Variants in CHN2 observed in about 807,000 individuals in gnomAD.
CHN2 encodes the protein beta-chimaerin.
Under a neutral mutation model 56.3 loss-of-function variants are expected in CHN2, and 35 were observed. The ratio of observed to expected loss-of-function variants is 0.62; its 90% CI spans 0.47 to 0.82. The LOEUF is 0.82. CHN2 is among the 40% of genes least tolerant of loss of function. The pLI is 0.00. For synonymous variants in CHN2, 210 were observed against 212.8 expected (o/e 0.99, Z 0.12); for missense variants, 491 against 580.5 (o/e 0.85, Z 1.58).
intron 6 of CHN2, chr7:29,479,834 C>T: frequency 7.0e-6 from 9 of 1,290,088 alleles, no homozygotes; most frequent in South Asian, 5.2e-5. Context: ...GACTGGATAC[C>T]GCTTCTGGGG....
intron 1 of CHN2, chr7:29,335,995 CT>C: frequency 6.6e-6 from 1 of 152,326 alleles, no homozygotes; most frequent in Non-Finnish European, 1.5e-5. Flanking sequence ...AGTGGGGTAG[CT>C]TTGCAGTGGG....
At chr7:29,367,609 T>C (rs1799265150) in intron 2 of CHN2, among the ~76,000 whole-genome samples, 1 of 152,204 alleles carries the variant, frequency 6.6e-6, no homozygotes, top group South Asian at 2.1e-4. Context: ...TAGAATTTCA[T>C]CTTTAAAATA....
At chr7:29,296,625 CT>C (rs1793180839) in intron 1 of CHN2, among the ~76,000 whole-genome samples, 1 of 152,158 alleles carries the variant, frequency 6.6e-6, no homozygotes, top group Non-Finnish European at 1.5e-5. Context: ...ACTCAGTTAG[CT>C]TTGGCCTTGA....
chr7:29,192,870 A>G (rs1783071451), upstream of CHN2: 1 of 152,224 alleles, frequency 6.6e-6, no homozygotes, highest in Non-Finnish European at 1.5e-5. Context: ...TCCACCATCT[A>G]AAGATCTGGG....
chr7:29,257,242 A>G (rs1409977750), intron 1 of CHN2, among the ~76,000 whole-genome samples: 1 of 152,212 alleles, frequency 6.6e-6, no homozygotes, highest in East Asian at 1.9e-4. Context: ...AGTGTGGTCC[A>G]TCCTAGCCCT....
chr7:29,275,984 A>G (rs2128854267), intron 1 of CHN2, among the ~76,000 whole-genome samples: 1 of 152,272 alleles, frequency 6.6e-6, no homozygotes, highest in South Asian at 2.1e-4. Flanking sequence ...TAGGTTCACT[A>G]GAAGCCCAAA....
At chr7:29,298,229 A>G (rs1002204378) in intron 1 of CHN2, among the ~76,000 whole-genome samples, 1 of 152,214 alleles carries the variant, frequency 6.6e-6, no homozygotes, top group African/African-American at 2.4e-5. Flanking sequence ...TTATGAAACA[A>G]GAGGCTTGGC....
chr7:29,341,708 T>C (rs1382099077), intron 1 of CHN2, among the ~76,000 whole-genome samples: 2 of 152,250 alleles, frequency 1.3e-5, no homozygotes, highest in African/African-American at 2.4e-5. Flanking sequence ...TTTTTTCTAA[T>C]TCTCTAGTGC....
upstream of CHN2, among the ~76,000 whole-genome samples, chr7:29,190,474 C>A (rs957744501): frequency 6.6e-6 from 1 of 152,176 alleles, no homozygotes; most frequent in Non-Finnish European, 1.5e-5. Context: ...GTTCACCCTG[C>A]AGTGCTTTCT....
chr7:29,252,797 T>G (rs112292214), intron 1 of CHN2, among the ~76,000 whole-genome samples: 1 of 124,602 alleles, frequency 8.0e-6, no homozygotes, highest in Non-Finnish European at 1.6e-5. Flanking sequence ...GGGTTTCACC[T>G]TGTTAGCCAG....
At chr7:29,390,789 G>T (rs1023697534) in intron 3 of CHN2, among the ~76,000 whole-genome samples, 13 of 152,176 alleles carry the variant, frequency 8.5e-5, no homozygotes, top group Admixed American at 3.3e-4. Flanking sequence ...CTAAGGCACT[G>T]CTGGGGGCAC....
At chr7:29,363,584 G>C (rs1046837782) in intron 2 of CHN2, among the ~76,000 whole-genome samples, 1 of 152,130 alleles carries the variant, frequency 6.6e-6, no homozygotes, top group Non-Finnish European at 1.5e-5. Flanking sequence ...TGCCCTCAAA[G>C]AGCTTACATT....
At chr7:29,473,970 CA>C (rs150796422) in intron 6 of CHN2, among the ~76,000 whole-genome samples, 12,610 of 151,200 alleles carry the variant, frequency 0.083, 627 homozygotes, top group East Asian at 0.24. Context: ...GTAGGAAACT[CA>C]AAAAAAAATG....
intron 9 of CHN2, among the ~76,000 whole-genome samples, chr7:29,502,047 T>A (rs73310909): frequency 5.3e-5 from 8 of 152,312 alleles, no homozygotes; most frequent in African/African-American, 1.9e-4. Context: ...CCGAGTACAA[T>A]GTCCAATCTA....
At chr7:29,159,245 T>TGCAGAAGAGGAAACTGAGC (rs1311838833) in intron 2 of CHN2, among the ~76,000 whole-genome samples, 2 of 152,190 alleles carry the variant, frequency 1.3e-5, no homozygotes, top group African/African-American at 2.4e-5. Context: ...TTCTTCCACT[T>TGCAGAAGAGGAAACTGAGC]GCAGAAGAGG....
chr7:29,454,926 A>T (rs571520138), intron 6 of CHN2, among the ~76,000 whole-genome samples: 3 of 150,852 alleles, frequency 2.0e-5, no homozygotes, highest in Admixed American at 6.6e-5. Flanking sequence ...AAAAATTATT[A>T]AAATTATATT....
intron 2 of CHN2, chr7:29,147,024 C>G (rs1171186247): frequency 6.5e-7 from 1 of 1,546,726 alleles, no homozygotes; most frequent in Non-Finnish European, 8.7e-7. Context: ...GCTGGAGTCT[C>G]AGAGCCACCT....
At chr7:29,264,741 C>T (rs952509683) in intron 1 of CHN2, among the ~76,000 whole-genome samples, 1 of 151,980 alleles carries the variant, frequency 6.6e-6, no homozygotes, top group African/African-American at 2.4e-5. Flanking sequence ...TGCTGACCTT[C>T]CCTCCACTAT....
At chr7:29,355,519 C>T (rs1798224427) in intron 2 of CHN2, among the ~76,000 whole-genome samples, 1 of 152,062 alleles carries the variant, frequency 6.6e-6, no homozygotes, top group South Asian at 2.1e-4. Flanking sequence ...GCCTTGTCTC[C>T]TCTTTTCTTA....
Sources: gnomAD v4.1 joint callset for allele counts (sites outside exome capture counted in the v4.1 genomes callset) on GRCh38, gnomAD v4.1.1 for gene constraint, MANE v1.5 for transcripts, NCBI Gene and HGNC (gene_info 2026-07-23, HGNC 2026-07-21) for gene names.